Variants in ARPC1B observed in about 807,000 individuals in gnomAD.
ARPC1B encodes actin-related protein 2/3 complex subunit 1B.
Under a neutral mutation model 46.0 loss-of-function variants are expected in ARPC1B, and 29 were observed. That is an observed-to-expected ratio of 0.63 (90% CI 0.47 to 0.86). ARPC1B has a LOEUF of 0.86. ARPC1B is among the 40% of genes least tolerant of loss of function. The probability of loss-of-function intolerance (pLI) is 0.00; values close to 1 mark genes in which losing one functional copy is unlikely to be tolerated. For synonymous variants in ARPC1B, 201 were observed against 213.9 expected (o/e 0.94, Z 0.53); for missense variants, 469 against 529.4 (o/e 0.89, Z 1.12).
chr7:99,376,828 C>T (rs1794041799), intron 1 of ARPC1B, among the ~76,000 whole-genome samples: 1 of 151,412 alleles, frequency 6.6e-6, no homozygotes, highest in Admixed American at 6.6e-5. Flanking sequence ...CAAGATCATG[C>T]CGTTGCACTC....
chr7:99,385,556 C>T lies in ARPC1B; in HGVS notation c.-13-146C>T, dbSNP rs533053729. The T allele has an allele frequency of 3.0e-5, 20 of 672,120 alleles. No homozygotes were observed. In the East Asian group the frequency reaches 5.2e-4, roughly 18 times the overall value. The allele number at this position is 672,120 out of a possible 1,614,324, so 41.6% of individuals were successfully genotyped here. A position where few individuals can be genotyped will look rare whatever the true frequency, so the allele number is the denominator to read the frequency against. On this transcript the variant is annotated intron_variant, in intron 1 of 9. Transcript: ENST00000646101. ...AGTTGGGAGCCAGGGCTGGCCCCTGCTGCTCCTCTCTGCAAACTGCTGCCC... is the reference window on the plus strand; with the variant it reads ...AGTTGGGAGCCAGGGCTGGCCCCTGTTGCTCCTCTCTGCAAACTGCTGCCC...
intron 7 of ARPC1B, 147 bp downstream of exon 7, chr7:99,391,400 G>T: frequency 1.1e-6 from 1 of 885,006 alleles, no homozygotes; most frequent in Non-Finnish European, 1.7e-6. Flanking sequence ...GGGCAGAACA[G>T]GTTGGGTTAT....
rs573409161 is a variant in ARPC1B at position 99,388,771 on chromosome 7, T to G, written c.392+510T>G. 4.0e-4 allele frequency: 61 copies of G among 153,862 alleles called. 1 individual carries two copies. The South Asian group carries it at 0.011, about 29-fold the overall frequency. The allele number at this position is 153,862 out of a possible 1,614,324, so 9.5% of individuals were successfully genotyped here. On this transcript the variant is annotated intron_variant, in intron 4 of 9. Coordinates refer to ENST00000646101, the MANE Select transcript of ARPC1B (RefSeq NM_005720.4). The stretch of plus-strand genomic sequence containing the variant: ...CCTCAGCCTCCCAAGTAGCTGGGAT[T>G]ACAGGCACCTGCTACCATGCCCGGA...
Position 99,394,749 on chromosome 7 carries a change from A to C in ARPC1B, c.*260A>C. The stretch of plus-strand genomic sequence containing the variant: ...CACTATGCTGGTCATGAACTGCTTC[A>C]AAATGTGGAGGTAATAAAATGCAAC... On this transcript the variant is annotated 3_prime_UTR_variant, in exon 10 of 10. Coordinates refer to ENST00000646101, the MANE Select transcript of ARPC1B (RefSeq NM_005720.4). 1 of 1,226,242 alleles carries C rather than the reference A, an allele frequency of 8.2e-7. No individual in the cohort carries two copies. The highest frequency in any genetic ancestry group is 1.0e-6 in the Non-Finnish European group (1 of 986,340). The allele number at this position is 1,226,242 out of a possible 1,614,324, so 76.0% of individuals were successfully genotyped here. A position where few individuals can be genotyped will look rare whatever the true frequency, so the allele number is the denominator to read the frequency against.
In ARPC1B at chr7:99,390,929, G is replaced by T; in HGVS notation, c.537G>T (p.Arg179=). 1 of 1,612,500 alleles carries T rather than the reference G, an allele frequency of 6.2e-7. No homozygotes were observed. The highest frequency in any genetic ancestry group is 8.5e-7 in the Non-Finnish European group (1 of 1,179,008). The part of the protein sequence containing the change: ...FSAYIKEVEE[R]PAPTPWGSKM... ...CCTACATCAAGGAGGTGGAGGAACGGCCGGCACCCACCCCGTGGGGCTCCA... is the reference window on the plus strand; with the variant it reads ...CCTACATCAAGGAGGTGGAGGAACGTCCGGCACCCACCCCGTGGGGCTCCA... The change falls in exon 6 of 10, where the codon CGG becomes CGT. Residue 179 remains arginine, a synonymous_variant. Coordinates refer to ENST00000646101, the MANE Select transcript of ARPC1B (RefSeq NM_005720.4).
chr7:99,375,493 C>T (rs2150883159), intron 1 of ARPC1B, among the ~76,000 whole-genome samples: 1 of 152,262 alleles, frequency 6.6e-6, no homozygotes, highest in East Asian at 1.9e-4. Flanking sequence ...TTTCCGGAGG[C>T]GCTGGGAGAG....
In ARPC1B at chr7:99,392,827, G is replaced by A. The variant is rs1422571727; in HGVS notation, c.940G>A (p.Gly314Ser). The A allele has an allele frequency of 5.2e-6, 8 of 1,550,156 alleles. No individual in the cohort carries two copies. The African/African-American group carries it at 6.8e-5, about 13-fold the overall frequency. ...GGACAAGAAGGCGAGCTCCGAGGGT[G>A]GCACGGCTGCGGGCGCGGGCCTAGA... ...NLDKKASSEG[G>S]TAAGAGLDSL... The change falls in exon 8 of 10, where the codon GGC becomes AGC. Residue 314 changes from glycine to serine, a missense_variant. Physicochemically the swap from Gly to Ser is moderately conservative, Grantham distance 56. Transcript: ENST00000646101.
intron 1 of ARPC1B, among the ~76,000 whole-genome samples, chr7:99,378,837 C>T (rs1334121019): frequency 8.2e-6 from 1 of 121,270 alleles, no homozygotes; most frequent in Non-Finnish European, 1.6e-5. Context: ...AGTGCAGTGG[C>T]GCAATCTCGG....
rs1794555457 is a variant in ARPC1B, at chr7:99,391,073, C to T, written c.681C>T (p.Cys227=). 6.2e-7 allele frequency: 1 copy of T among 1,613,766 alleles called. No homozygotes were observed. The highest frequency in any genetic ancestry group is 8.5e-7 in the Non-Finnish European group (1 of 1,179,838). The change falls in exon 6 of 10, where the codon TGC becomes TGT. Residue 227 remains cysteine (C), a synonymous_variant. Transcript: ENST00000646101. Reference sequence around the variant, plus strand: ...GGGTAAGCCACGACAGCACCGTCTGCCTGGCTGATGCCGACAAGAAGATGG... The same window carrying T: ...GGGTAAGCCACGACAGCACCGTCTGTCTGGCTGATGCCGACAAGAAGATGG... The part of the protein sequence containing the change: ...VAWVSHDSTV[C]LADADKKMAV...
intron 1 of ARPC1B, among the ~76,000 whole-genome samples, chr7:99,375,050 G>C (rs1175193373): frequency 6.6e-6 from 1 of 151,344 alleles, no homozygotes; most frequent in East Asian, 2.0e-4. Flanking sequence ...TGGGATTGGA[G>C]GGGGCGCGGG....
At chr7:99,379,401 G>A (rs955382112) in intron 1 of ARPC1B, among the ~76,000 whole-genome samples, 2 of 152,158 alleles carry the variant, frequency 1.3e-5, no homozygotes, top group African/African-American at 4.8e-5. Context: ...TTGAGTAACC[G>A]CTTAGCACGG....
Position 99,391,181 on chromosome 7 carries a change from C to T in ARPC1B, c.711C>T (p.Val237=), listed in dbSNP as rs747975319. Residue 237 remains valine, a synonymous_variant, in exon 7 of 10, where the codon GTC becomes GTT. Transcript: ENST00000646101. ...ACTCACAGCTCTCTCCCCTCAGCGT[C>T]GCGACTCTGGCCTCTGAAACACTAC... ...CLADADKKMA[V]ATLASETLPL... is the part of the protein sequence containing the mutation. The T allele has an allele frequency of 4.3e-6, 7 of 1,613,884 alleles. No homozygotes were observed. In the South Asian group the frequency reaches 4.4e-5, roughly 10 times the overall value.
At chr7:99,376,914 T>C (rs917003854) in intron 1 of ARPC1B, among the ~76,000 whole-genome samples, 3 of 151,930 alleles carry the variant, frequency 2.0e-5, no homozygotes, top group Non-Finnish European at 2.9e-5. Flanking sequence ...TCAGGCTTGC[T>C]TCAGGGGGAG....
Position 99,388,134 on chromosome 7 carries a change from A to C in ARPC1B, c.265A>C (p.Thr89Pro). 1 of 1,614,170 alleles carries C rather than the reference A, an allele frequency of 6.2e-7. No homozygotes were observed. The highest frequency in any genetic ancestry group is 8.5e-7 in the Non-Finnish European group (1 of 1,180,028). The change falls in exon 4 of 10, where the codon ACG (threonine) becomes CCG (proline). Residue 89 changes from threonine (T) to proline (P), a missense_variant. Physicochemically the swap from Thr to Pro is conservative, Grantham distance 38. Transcript: ENST00000646101. ...GCTGAAGGGCCGCACATGGAAGCCC[A>C]CGCTGGTCATCCTGCGGATCAACCG... ...WTLKGRTWKPTLVILRINRAA... is the reference protein window; with the variant it reads ...WTLKGRTWKPPLVILRINRAA...
upstream of ARPC1B, chr7:99,374,600 C>G (rs905882056): frequency 2.6e-5 from 4 of 152,154 alleles, no homozygotes; most frequent in Non-Finnish European, 5.9e-5. The surrounding 1 kb of genome is among the most constrained non-coding windows in gnomAD (Gnocchi z 5.0). Flanking sequence ...ACCCCCACCC[C>G]GAAGGGAGGG....
At position 99,375,802 on chromosome 7, in the gene ARPC1B, C is replaced by T. The variant is rs991619248; in HGVS notation, c.-14+1021C>T. ...ATGTAGCCAGGCGCTGTGGCTCATG[C>T]CTGTAATCCCAACACTTTGGGAGTC... On this transcript the variant is annotated intron_variant, in intron 1 of 9. Transcript: ENST00000646101. Among the ~76,000 whole-genome samples the T allele has an allele frequency of 3.3e-5, 5 of 152,154 alleles. No individual in the cohort carries two copies. In the East Asian group the frequency reaches 9.6e-4, roughly 29 times the overall value.
Position 99,392,648 on chromosome 7 carries a change from A to G in ARPC1B, c.784-23A>G. 3 of 1,462,700 alleles carry G rather than the reference A, an allele frequency of 2.1e-6. No homozygotes were observed. In the South Asian group the frequency reaches 4.1e-5, roughly 20 times the overall value. 90.6% of individuals were successfully genotyped at this position (1,462,700 alleles called of 1,614,324 possible). A position where few individuals can be genotyped will look rare whatever the true frequency, so the allele number is the denominator to read the frequency against. ...CTCGGTTTCCCCTCCGCGGCGCTCC[A>G]ATGGCCCCCGCCCTCCGCGCAGGGC... On this transcript the variant is annotated intron_variant, in intron 7 of 9. Coordinates refer to ENST00000646101, the MANE Select transcript of ARPC1B (RefSeq NM_005720.4).
At chr7:99,383,050 G>A (rs1794276337) in intron 1 of ARPC1B, among the ~76,000 whole-genome samples, 1 of 151,690 alleles carries the variant, frequency 6.6e-6, no homozygotes, top group Non-Finnish European at 1.5e-5. Flanking sequence ...TCACCATGTT[G>A]GCCAGGCTGG....
chr7:99,385,310 G>A (rs899814825), intron 1 of ARPC1B, among the ~76,000 whole-genome samples: 3 of 147,570 alleles, frequency 2.0e-5, no homozygotes, highest in Admixed American at 6.7e-5. Flanking sequence ...TTGGGTGGGG[G>A]GGGGGGGGTC....
Sources: allele counts gnomAD v4.1 joint callset (sites outside exome capture counted in the v4.1 genomes callset), GRCh38; gene constraint gnomAD v4.1.1; non-coding constraint Gnocchi (gnomAD v3.1); transcripts MANE v1.5; gene names NCBI Gene and HGNC (gene_info 2026-07-23, HGNC 2026-07-21).